The following EPB41L5 variants were observed in gnomAD, a reference collection of about 807,000 sequenced individuals.
EPB41L5 encodes the protein erythrocyte membrane protein band 4.1 like 5.
Under a neutral mutation model 106.6 loss-of-function variants are expected in EPB41L5, and 55 were observed. The observed-to-expected ratio is 0.52, with a 90% CI of 0.42 to 0.65. The LOEUF is 0.65. Ranked by LOEUF, EPB41L5 falls within the 30% of genes least tolerant of loss-of-function variation. The pLI is 0.00. For missense variants in EPB41L5, 871 were observed against 882.1 expected, an observed-to-expected ratio of 0.99 and a Z score of 0.16; for synonymous variants, 297 against 306.7, an observed-to-expected ratio of 0.97 and a Z score of 0.33.
chr2:120,133,860 A>G (rs761451959), intron 18 of EPB41L5, among the ~76,000 whole-genome samples: 1 of 152,154 alleles, frequency 6.6e-6, no homozygotes, highest in Non-Finnish European at 1.5e-5. Flanking sequence ...CTTCCACTTG[A>G]GGAAAGGTGA....
At chr2:120,102,397 G>A (rs1684197860) in intron 16 of EPB41L5, among the ~76,000 whole-genome samples, 1 of 152,116 alleles carries the variant, frequency 6.6e-6, no homozygotes, top group African/African-American at 2.4e-5. Context: ...GTAAAGTGAT[G>A]CTCTTTATAA....
At chr2:120,072,515 G>T (rs993939838) in intron 3 of EPB41L5, among the ~76,000 whole-genome samples, 2 of 152,072 alleles carry the variant, frequency 1.3e-5, no homozygotes, top group Non-Finnish European at 2.9e-5. Context: ...CAATAGCAAA[G>T]ACTTGGAACC....
intron 16 of EPB41L5, chr2:120,107,031 T>C (rs1374075021): frequency 1.6e-6 from 1 of 616,128 alleles, no homozygotes; most frequent in African/African-American, 2.0e-5. Context: ...ATTTAAAGTG[T>C]TGGCCAAAAA....
chr2:120,148,566 T>C (rs1453560451), intron 20 of EPB41L5, among the ~76,000 whole-genome samples: 1 of 152,174 alleles, frequency 6.6e-6, no homozygotes, highest in African/African-American at 2.4e-5. Flanking sequence ...ACTTTGTCTC[T>C]GTGGATTTAC....
chr2:120,098,156 TTGTGTGTG>T (rs60975047), intron 14 of EPB41L5, among the ~76,000 whole-genome samples: 14 of 133,728 alleles, frequency 1.0e-4, no homozygotes, highest in Admixed American at 3.0e-4. Flanking sequence ...ATTGTTTGTT[TTGTGTGTG>T]TGTGTGTGTG....
intron 24 of EPB41L5, among the ~76,000 whole-genome samples, chr2:120,174,169 C>CA (rs2105583437): frequency 6.6e-6 from 1 of 152,252 alleles, no homozygotes; most frequent in East Asian, 1.9e-4. Flanking sequence ...TGTAAAGAAA[C>CA]ACAGGGCTGG....
At chr2:120,021,281 A>T (rs1677908343) in intron 2 of EPB41L5, among the ~76,000 whole-genome samples, 1 of 151,990 alleles carries the variant, frequency 6.6e-6, no homozygotes, top group Non-Finnish European at 1.5e-5. Flanking sequence ...TGGAGATTGC[A>T]GTGAGCTGAG....
intron 16 of EPB41L5, chr2:120,108,308 A>G (rs1408215084): frequency 3.3e-5 from 5 of 152,112 alleles, no homozygotes; most frequent in African/African-American, 9.7e-5. Context: ...ATGGTGTAAT[A>G]ATGTACCTCC....
At chr2:120,169,211 A>G (rs557844764) in intron 24 of EPB41L5, among the ~76,000 whole-genome samples, 1 of 152,316 alleles carries the variant, frequency 6.6e-6, no homozygotes, top group African/African-American at 2.4e-5. Context: ...GGTTTATGAA[A>G]AAAATGATGA....
chr2:120,050,075 TTCTC>T (rs1680119230), intron 3 of EPB41L5, among the ~76,000 whole-genome samples: 1 of 152,192 alleles, frequency 6.6e-6, no homozygotes, highest in Non-Finnish European at 1.5e-5. Context: ...AACCTGACCT[TTCTC>T]TCTGGCTGCC....
intron 3 of EPB41L5, among the ~76,000 whole-genome samples, chr2:120,045,653 AT>A (rs537560779): frequency 8.6e-5 from 13 of 151,958 alleles, no homozygotes; most frequent in African/African-American, 2.7e-4. Flanking sequence ...CATGCTTTGC[AT>A]TTTTTTCTTT....
intron 2 of EPB41L5, among the ~76,000 whole-genome samples, chr2:120,038,584 C>G (rs1027616494): frequency 6.6e-6 from 1 of 152,124 alleles, no homozygotes; most frequent in African/African-American, 2.4e-5. Context: ...TGGCAAAACC[C>G]TATCTCTACT....
intron 16 of EPB41L5, among the ~76,000 whole-genome samples, chr2:120,116,008 G>C (rs1684932512): frequency 6.6e-6 from 1 of 151,228 alleles, no homozygotes; most frequent in African/African-American, 2.4e-5. Context: ...ACAGGGTTTT[G>C]CCATGTTGGT....
rs1687922653 is a variant in EPB41L5 at position 120,176,511 on chromosome 2, TTGGA to T, written c.*1605_*1608del. The T allele has an allele frequency of 6.6e-6, 1 of 152,242 alleles. No homozygotes were observed. Among genetic ancestry groups the T allele is most frequent in the Non-Finnish European group, 1.5e-5 (1 of 68,058 alleles). The allele number at this position is 152,242 out of a possible 1,614,324, so 9.4% of individuals were successfully genotyped here. A position where few individuals can be genotyped will look rare whatever the true frequency, so the allele number is the denominator to read the frequency against. On this transcript the variant is annotated 3_prime_UTR_variant, in exon 25 of 25. Coordinates refer to ENST00000263713, the MANE Select transcript of EPB41L5 (RefSeq NM_020909.4). Reference sequence around the variant, plus strand: ...ACTGTTTCCCAGGGAGCTGTAGTGATTGGAACCCACGTTTGCACAAAACATTTTT... The same window carrying T: ...ACTGTTTCCCAGGGAGCTGTAGTGATACCCACGTTTGCACAAAACATTTTT...
chr2:120,136,101 C>T (rs1685913487), intron 18 of EPB41L5, among the ~76,000 whole-genome samples: 1 of 145,112 alleles, frequency 6.9e-6, no homozygotes, highest in Non-Finnish European at 1.5e-5. Flanking sequence ...GTGGGGGTGG[C>T]GGTTTGAAGT....
intron 14 of EPB41L5, 53 bp downstream of exon 14, chr2:120,093,329 G>A (rs1013998823): frequency 3.1e-5 from 44 of 1,442,276 alleles, no homozygotes; most frequent in Non-Finnish European, 4.2e-5. Context: ...GATTTATGTA[G>A]TTGCTATCAT....
chr2:120,176,014 T>G lies in EPB41L5; in HGVS notation c.*1107T>G, dbSNP rs1459804547. ...CATTGCACTAGGAATTCTGTGTTAGTTTAAAAGAGATCTCTAAAACTTCCC... is the reference window on the plus strand; with the variant it reads ...CATTGCACTAGGAATTCTGTGTTAGGTTAAAAGAGATCTCTAAAACTTCCC... On this transcript the variant is annotated 3_prime_UTR_variant, in exon 25 of 25. Transcript: ENST00000263713. 6.6e-6 allele frequency: 1 copy of G among 152,568 alleles called. No individual in the cohort carries two copies. The highest frequency in any genetic ancestry group is 1.5e-5 in the Non-Finnish European group (1 of 68,042). The allele number at this position is 152,568 out of a possible 1,614,324, so 9.5% of individuals were successfully genotyped here. A position where few individuals can be genotyped will look rare whatever the true frequency, so the allele number is the denominator to read the frequency against.
At chr2:120,024,702 G>A (rs906425688) in intron 2 of EPB41L5, among the ~76,000 whole-genome samples, 10 of 152,048 alleles carry the variant, frequency 6.6e-5, no homozygotes, top group Non-Finnish European at 1.3e-4. Context: ...CTCATGATCC[G>A]CCCACTTCGG....
chr2:120,105,089 T>G, intron 16 of EPB41L5: 1 of 980,288 alleles, frequency 1.0e-6, no homozygotes, highest in Non-Finnish European at 1.2e-6. Context: ...GTATAACCTT[T>G]AAAATAAAAT....
Sources: allele counts gnomAD v4.1 joint callset (sites outside exome capture counted in the v4.1 genomes callset), GRCh38; gene constraint gnomAD v4.1.1; transcripts MANE v1.5; gene names NCBI Gene and HGNC (gene_info 2026-07-23, HGNC 2026-07-21).